TMEM135: variants seen among roughly 807,000 people sequenced by gnomAD.
TMEM135 encodes the protein transmembrane protein 135, also known as peroxisomal membrane protein 52.
Under a neutral mutation model 60.3 loss-of-function variants are expected in TMEM135, and 30 were observed. The observed-to-expected ratio is 0.50, with a 90% confidence interval of 0.37 to 0.68. The LOEUF (loss-of-function observed/expected upper bound fraction) is 0.68. TMEM135 is among the 30% of genes least tolerant of loss of function. The probability of loss-of-function intolerance (pLI) is 0.00; values close to 1 mark genes in which losing one functional copy is unlikely to be tolerated. For synonymous variants in TMEM135, 190 were observed against 186.7 expected, an observed-to-expected ratio of 1.02 and a Z score of -0.14; for missense variants, 468 against 548.8, an observed-to-expected ratio of 0.85 and a Z score of 1.47.
At chr11:87,150,827 T>G (rs749003936) in intron 4 of TMEM135, among the ~76,000 whole-genome samples, 1 of 152,208 alleles carries the variant, frequency 6.6e-6, no homozygotes, top group Non-Finnish European at 1.5e-5. Flanking sequence ...TCCGTTTACC[T>G]CTGTAATTTG....
intron 1 of TMEM135, among the ~76,000 whole-genome samples, chr11:87,044,613 A>G (rs1308846219): frequency 3.3e-5 from 5 of 152,250 alleles, no homozygotes; most frequent in African/African-American, 4.8e-5. Context: ...TGATTTTTAC[A>G]TAATTTCTTA....
In TMEM135 at chr11:87,326,317, A is replaced by T; in HGVS notation, c.*4984A>T. 2.2e-6 allele frequency: 1 copy of T among 454,096 alleles called. No individual in the cohort carries two copies. The highest frequency in any genetic ancestry group is 1.6e-5 in the South Asian group (1 of 64,478). 28.1% of individuals were successfully genotyped at this position (454,096 alleles called of 1,614,324 possible). A position where few individuals can be genotyped will look rare whatever the true frequency, so the allele number is the denominator to read the frequency against. ...TTCCATAAAGTAGACCTGTAGACCT[A>T]TGTTGGCTGAGGTCACCCTGCATTA... On this transcript the variant is annotated 3_prime_UTR_variant, in exon 15 of 15. Transcript: ENST00000305494.
intron 5 of TMEM135, among the ~76,000 whole-genome samples, chr11:87,159,593 G>GCGCACACACACACACACACACACA (rs56665411): frequency 3.1e-4 from 39 of 124,960 alleles, no homozygotes; most frequent in East Asian, 2.1e-3. Context: ...ACACACACGC[G>GCGCACACACACACACACACACACA]CACACACACA....
At chr11:87,306,678 C>T (rs1293672156) in intron 9 of TMEM135, among the ~76,000 whole-genome samples, 1 of 152,092 alleles carries the variant, frequency 6.6e-6, no homozygotes, top group East Asian at 1.9e-4. Context: ...TTGCAGTCAG[C>T]ATGGCACAGG....
At chr11:87,282,087 T>C (rs114818134) in intron 6 of TMEM135, among the ~76,000 whole-genome samples, 1,535 of 152,258 alleles carry the variant, frequency 0.01, 24 homozygotes, top group African/African-American at 0.034. Flanking sequence ...AATTTCTGAA[T>C]TCAGGAGGTC....
At chr11:87,149,603 T>C (rs374407695) in intron 4 of TMEM135, among the ~76,000 whole-genome samples, 20 of 152,206 alleles carry the variant, frequency 1.3e-4, no homozygotes, top group African/African-American at 3.9e-4. Context: ...GTATCTGTAA[T>C]TTCTTCCACC....
chr11:87,253,116 A>G (rs1941452770), intron 6 of TMEM135, among the ~76,000 whole-genome samples: 2 of 82,952 alleles, frequency 2.4e-5, no homozygotes, highest in East Asian at 2.2e-4. Flanking sequence ...CTTTATTGGT[A>G]GAAAAAAATT....
chr11:87,173,396 T>C (rs575540129), intron 5 of TMEM135, among the ~76,000 whole-genome samples: 3 of 152,312 alleles, frequency 2.0e-5, no homozygotes, highest in African/African-American at 7.2e-5. Context: ...GGTAGATTAG[T>C]AGATACTGGG....
At chr11:87,183,522 T>G (rs1198646110) in intron 5 of TMEM135, among the ~76,000 whole-genome samples, 1 of 152,168 alleles carries the variant, frequency 6.6e-6, no homozygotes, top group African/African-American at 2.4e-5. Context: ...TTTTAATGTT[T>G]TAATTCCTAA....
intron 6 of TMEM135, among the ~76,000 whole-genome samples, chr11:87,248,033 A>AAGG (rs1941328683): frequency 5.2e-5 from 1 of 19,144 alleles, no homozygotes; most frequent in Admixed American, 3.5e-4. Flanking sequence ...AAAAAAAAAA[A>AAGG]AAAAGAAAAT....
At chr11:87,258,993 C>G (rs769966276) in intron 6 of TMEM135, 109 of 1,527,110 alleles carry the variant, frequency 7.1e-5, no homozygotes, top group Admixed American at 3.4e-4. Flanking sequence ...CGGGAAGAAC[C>G]AGGATCATAA....
At chr11:87,168,515 CA>C (rs1939132941) in intron 5 of TMEM135, among the ~76,000 whole-genome samples, 1 of 152,086 alleles carries the variant, frequency 6.6e-6, no homozygotes, top group Admixed American at 6.6e-5. Context: ...TCTTTGTTCT[CA>C]TTGGTTTCAA....
intron 4 of TMEM135, among the ~76,000 whole-genome samples, chr11:87,144,470 A>G (rs533395611): frequency 6.6e-6 from 1 of 152,332 alleles, no homozygotes; most frequent in African/African-American, 2.4e-5. Context: ...ATTTATATAA[A>G]CAGGTGGCAG....
At chr11:87,057,398 T>C (rs1453321951) in intron 1 of TMEM135, among the ~76,000 whole-genome samples, 1 of 152,222 alleles carries the variant, frequency 6.6e-6, no homozygotes, top group African/African-American at 2.4e-5. Flanking sequence ...TATTAACAAG[T>C]TGCCCTAGTT....
chr11:87,309,239 T>C (rs939869622), intron 9 of TMEM135, among the ~76,000 whole-genome samples: 1 of 152,210 alleles, frequency 6.6e-6, no homozygotes, highest in African/African-American at 2.4e-5. Flanking sequence ...GGAATTTTGG[T>C]GCATAGGCAA....
chr11:87,039,146 T>G (rs1949729827), intron 1 of TMEM135, among the ~76,000 whole-genome samples: 1 of 152,250 alleles, frequency 6.6e-6, no homozygotes, highest in Admixed American at 6.5e-5. Flanking sequence ...TTTAGATTTA[T>G]ACCCTAATGT....
At chr11:87,319,789 T>A (rs1565170865) in intron 14 of TMEM135, among the ~76,000 whole-genome samples, 1 of 152,178 alleles carries the variant, frequency 6.6e-6, no homozygotes. Flanking sequence ...ACCTTACATA[T>A]CATTTTTGCT....
chr11:87,269,364 C>A (rs1170106798), intron 6 of TMEM135, among the ~76,000 whole-genome samples: 1 of 130,282 alleles, frequency 7.7e-6, no homozygotes, highest in Non-Finnish European at 1.6e-5. Flanking sequence ...TATTATCATA[C>A]TTTAAGTTTT....
intron 6 of TMEM135, among the ~76,000 whole-genome samples, chr11:87,268,085 A>AT (rs1442218372): frequency 6.6e-6 from 1 of 151,578 alleles, no homozygotes; most frequent in African/African-American, 2.4e-5. Context: ...TTCAGGGGAG[A>AT]TTAAGTACCT....
Sources: allele counts gnomAD v4.1 joint callset (sites outside exome capture counted in the v4.1 genomes callset), GRCh38; gene constraint gnomAD v4.1.1; transcripts MANE v1.5; gene names NCBI Gene and HGNC (gene_info 2026-07-23, HGNC 2026-07-21).